The following CHD5 variants were observed in gnomAD, a reference collection of about 807,000 sequenced individuals.
CHD5 encodes ATP-dependent chromatin remodeler CHD5.
A neutral mutation model predicts 230.3 loss-of-function variants in CHD5; 69 were observed. That is an observed-to-expected ratio of 0.30 (90% CI 0.25 to 0.37). CHD5 has a LOEUF of 0.37. CHD5 is among the 10% of genes least tolerant of loss of function. CHD5 has a pLI of 1.00. For missense variants in CHD5, 1,827 were observed against 2,622.8 expected (o/e 0.70, Z 6.63); for synonymous variants, 1,064 against 1,065.9 (o/e 1.00, Z 0.03).
chr1:6,111,359 C>G (rs1341134949), intron 36 of CHD5, among the ~76,000 whole-genome samples: 1 of 151,578 alleles, frequency 6.6e-6, no homozygotes, highest in Non-Finnish European at 1.5e-5. Context: ...CATGGTGAAA[C>G]CCCGTCTCTA....
chr1:6,107,174 G>A (rs57153289), intron 38 of CHD5, among the ~76,000 whole-genome samples: 23,443 of 126,878 alleles, frequency 0.18, 2,683 homozygotes, highest in East Asian at 0.41. Flanking sequence ...TGGAGGGAAG[G>A]TGGAGGGATG....
rs1667062030 is a variant in CHD5, at chr1:6,155,142, CCCCCAAAACACCCAG to C, written c.507-259_507-245del. On this transcript the variant is annotated intron_variant, in intron 4 of 41. Transcript: ENST00000262450. This position sits in a 1 kb window ranked among gnomAD's most constrained non-coding sequence, Gnocchi z 4.0. ...GCTTCCTGTCCACACCCACAGCCCA[CCCCCAAAACACCCAG>C]CTTCCTGTCCACACCCACAGCCCAC... is the stretch of plus-strand genomic sequence containing the variant. Among the ~76,000 whole-genome samples, 1 of 98,426 alleles carries C rather than the reference CCCCCAAAACACCCAG, an allele frequency of 1.0e-5. No homozygotes were observed. Among genetic ancestry groups the C allele is most frequent in the Non-Finnish European group, 1.9e-5 (1 of 52,492 alleles). The allele number at this position is 98,426 out of a possible 152,430, so 64.6% of individuals were successfully genotyped here. A position where few individuals can be genotyped will look rare whatever the true frequency, so the allele number is the denominator to read the frequency against.
In CHD5 at chr1:6,121,321, C is replaced by A. The variant is rs1288759131; in HGVS notation, c.4780-84G>T. The A allele has an allele frequency of 1.3e-6, 2 of 1,558,148 alleles. No homozygotes were observed. The highest frequency in any genetic ancestry group is 1.9e-5 in the Admixed American group (1 of 52,592). On this transcript the variant is annotated intron_variant, in intron 32 of 41. Coordinates refer to ENST00000262450, the MANE Select transcript of CHD5 (RefSeq NM_015557.3). The surrounding 1 kb of genome is among the most constrained non-coding windows in gnomAD (Gnocchi z 4.5). The stretch of plus-strand genomic sequence containing the variant: ...GGGGAACGTGCGCTGGGCTGGGAAC[C>A]CAGTCTCCTGGCTCCCGTCGCTTGC...
intron 2 of CHD5, among the ~76,000 whole-genome samples, chr1:6,162,317 C>G (rs558950587): frequency 6.6e-6 from 1 of 151,078 alleles, no homozygotes; most frequent in African/African-American, 2.4e-5. Flanking sequence ...ACCTGGGAGG[C>G]GGAGGTTGCA....
intron 2 of CHD5, among the ~76,000 whole-genome samples, chr1:6,160,755 TA>T (rs1171362325): frequency 2.6e-5 from 4 of 152,258 alleles, no homozygotes; most frequent in Admixed American, 2.6e-4. Context: ...AGGCAGCTCT[TA>T]AGCTTGGCTT....
chr1:6,166,849 C>T (rs761646641), intron 2 of CHD5, among the ~76,000 whole-genome samples: 2 of 152,168 alleles, frequency 1.3e-5, no homozygotes, highest in East Asian at 1.9e-4. Flanking sequence ...CTCCTCTGCT[C>T]GAAGCCTTCC....
At position 6,124,022 on chromosome 1, in the gene CHD5, A is replaced by G. The variant is rs147998739; in HGVS notation, c.4625T>C (p.Val1542Ala). 1.2e-6 allele frequency: 2 copies of G among 1,612,520 alleles called. No homozygotes were observed. The highest frequency in any genetic ancestry group is 2.7e-5 in the African/African-American group (2 of 74,768). Residue 1542 changes from valine to alanine, a missense_variant, in exon 31 of 42, where the codon GTG becomes GCG. By Grantham distance (64) the Val-to-Ala change is moderately conservative. Coordinates refer to ENST00000262450, the MANE Select transcript of CHD5 (RefSeq NM_015557.3). ...TGGTGTGTTGGGGTCCGAGGAGATC[A>G]CCTCGCCCGACTTCTTCCCCTCGGG... is the stretch of plus-strand genomic sequence containing the variant. ...EGPEGKKSGE[V>A]ISSDPNTPVP...
rs1363400913 is a variant in CHD5, at chr1:6,128,789, G to T, written c.3619+49C>A. ...AAGCAAGCCCTGGATGGGTGTCTCA[G>T]CCGGGCCACCCCAGTCCCCTGCCAC... On this transcript the variant is annotated intron_variant, in intron 23 of 41. Coordinates refer to ENST00000262450, the MANE Select transcript of CHD5 (RefSeq NM_015557.3). The surrounding 1 kb of genome is among the most constrained non-coding windows in gnomAD (Gnocchi z 7.8). The T allele has an allele frequency of 1.3e-6, 2 of 1,527,248 alleles. No individual in the cohort carries two copies. 94.6% of individuals were successfully genotyped at this position (1,527,248 alleles called of 1,614,324 possible).
chr1:6,113,348 G>A (rs920687068), intron 33 of CHD5: 14 of 444,700 alleles, frequency 3.1e-5, no homozygotes, highest in African/African-American at 1.2e-4. Context: ...CGCTTGAGCC[G>A]AGGAGATAAA....
chr1:6,110,599 A>AGGGG, intron 36 of CHD5, 73 bp from the exon 37 acceptor site: 1 of 389,048 alleles, frequency 2.6e-6, no homozygotes, highest in Admixed American at 4.2e-5. Flanking sequence ...CAGCTCAGGG[A>AGGGG]GGGGGAGGGG....
chr1:6,129,404 G>T lies in CHD5; in HGVS notation c.3388-335C>A, dbSNP rs570493694. 6.6e-6 allele frequency among the ~76,000 whole-genome samples: 1 copy of T among 152,174 alleles called. No homozygotes were observed. Among genetic ancestry groups the T allele is most frequent in the Non-Finnish European group, 1.5e-5 (1 of 68,026 alleles). ...CCACACAGAGCTTCGTGGGGGCCAC[G>T]GGGAGGTAGGAGGCTGCATTTCCCT... On this transcript the variant is annotated intron_variant, in intron 22 of 41. Coordinates refer to ENST00000262450, the MANE Select transcript of CHD5 (RefSeq NM_015557.3). The surrounding 1 kb of genome is among the most constrained non-coding windows in gnomAD (Gnocchi z 6.8).
chr1:6,144,893 T>A (rs562304585), intron 11 of CHD5, among the ~76,000 whole-genome samples: 1 of 152,182 alleles, frequency 6.6e-6, no homozygotes, highest in Non-Finnish European at 1.5e-5. Context: ...CAACCGATGT[T>A]TGTTTGTTTT....
Position 6,154,537 on chromosome 1 carries a change from GC to G in CHD5, c.745+122del. ...CAATCCAAGGTCACACAGGCACAGA[GC>G]CCTCCATTAGGAGCACCCCAGCTGC... On this transcript the variant is annotated intron_variant, in intron 5 of 41. Transcript: ENST00000262450. The surrounding 1 kb of genome is among the most constrained non-coding windows in gnomAD (Gnocchi z 7.0). 1 of 818,784 alleles carries G rather than the reference GC, an allele frequency of 1.2e-6. No homozygotes were observed. Among genetic ancestry groups the G allele is most frequent in the Non-Finnish European group, 1.9e-6 (1 of 536,386 alleles). The allele number at this position is 818,784 out of a possible 1,614,324, so 50.7% of individuals were successfully genotyped here.
chr1:6,166,850 G>A (rs4908850), intron 2 of CHD5, among the ~76,000 whole-genome samples: 32,661 of 151,940 alleles, frequency 0.21, 5,577 homozygotes, highest in African/African-American at 0.47. Context: ...TCCTCTGCTC[G>A]AAGCCTTCCA....
intron 13 of CHD5, among the ~76,000 whole-genome samples, chr1:6,143,497 T>G (rs1666862208): frequency 6.6e-6 from 1 of 152,120 alleles, no homozygotes; most frequent in South Asian, 2.1e-4. Flanking sequence ...ACAGTGTGTC[T>G]TCTGAAACAG....
intron 15 of CHD5, among the ~76,000 whole-genome samples, chr1:6,137,921 T>C (rs530234639): frequency 4.7e-4 from 71 of 152,000 alleles, no homozygotes; most frequent in African/African-American, 1.7e-3. Context: ...GTGACCACTG[T>C]CCCCCTACTC....
chr1:6,134,974 C>A lies in CHD5; in HGVS notation c.2871-115G>T. The A allele has an allele frequency of 7.4e-7, 1 of 1,346,986 alleles. No homozygotes were observed. The highest frequency in any genetic ancestry group is 1.0e-6 in the Non-Finnish European group (1 of 968,778). 83.4% of individuals were successfully genotyped at this position (1,346,986 alleles called of 1,614,324 possible). On this transcript the variant is annotated intron_variant, in intron 18 of 41. Coordinates refer to ENST00000262450, the MANE Select transcript of CHD5 (RefSeq NM_015557.3). This position sits in a 1 kb window ranked among gnomAD's most constrained non-coding sequence, Gnocchi z 6.3. The stretch of plus-strand genomic sequence containing the variant: ...CCAAGCACCCATTTACAGAGAGACC[C>A]AAGGGACCCCCAAGAGGTGAAGCCA...
At chr1:6,123,570 G>A (rs1285824090) in intron 31 of CHD5, among the ~76,000 whole-genome samples, 1 of 152,060 alleles carries the variant, frequency 6.6e-6, no homozygotes, top group Non-Finnish European at 1.5e-5. Flanking sequence ...GGGATTACAG[G>A]CACGTGCCAC....
chr1:6,124,957 C>T (rs1322762524), intron 29 of CHD5, 143 bp downstream of exon 29: 2 of 914,790 alleles, frequency 2.2e-6, no homozygotes, highest in East Asian at 2.7e-5. Flanking sequence ...ACTCTAGCCA[C>T]CCAAAGTCCA....
Sources: allele counts gnomAD v4.1 joint callset (sites outside exome capture counted in the v4.1 genomes callset), GRCh38; gene constraint gnomAD v4.1.1; non-coding constraint Gnocchi (gnomAD v3.1); transcripts MANE v1.5; gene names NCBI Gene and HGNC (gene_info 2026-07-23, HGNC 2026-07-21).